Variants in TNNC2 observed in about 807,000 individuals in gnomAD.
The protein encoded by TNNC2 is troponin C, skeletal muscle.
In TNNC2, 14 loss-of-function variants were observed where a neutral mutation model predicts 20.0. The ratio of observed to expected loss-of-function variants is 0.70; its 90% CI spans 0.46 to 1.09. TNNC2 has a LOEUF of 1.09. Ranked by LOEUF, TNNC2 falls within the 50% of genes least tolerant of loss-of-function variation. TNNC2 has a pLI of 0.00. For missense variants in TNNC2, 163 were observed against 223.8 expected, an observed-to-expected ratio of 0.73 and a Z score of 1.73; for synonymous variants, 81 against 77.3, an observed-to-expected ratio of 1.05 and a Z score of -0.25.
chr20:45,829,487 A>T (rs1303536501), upstream of TNNC2, among the ~76,000 whole-genome samples: 4 of 151,444 alleles, frequency 2.6e-5, no homozygotes, highest in African/African-American at 7.3e-5. Context: ...TTGTAGAGAC[A>T]AGGTTTCATC....
At chr20:45,832,712 C>T (rs1983150632) in intron 2 of TNNC2, among the ~76,000 whole-genome samples, 2 of 152,158 alleles carry the variant, frequency 1.3e-5, no homozygotes, top group South Asian at 2.1e-4. Context: ...CAAAATCTGC[C>T]CTAACAACTG....
In TNNC2 at chr20:45,827,262, C is replaced by T. The variant is rs199528760; in HGVS notation, c.-14G>A. Reference sequence around the variant, plus strand: ...TGTCCTTACCATGGTTGCTGGTGACCGGGACTCCTCTGTTGCAGGTCGCCT... The same window carrying T: ...TGTCCTTACCATGGTTGCTGGTGACTGGGACTCCTCTGTTGCAGGTCGCCT... On this transcript the variant is annotated 5_prime_UTR_variant, in exon 1 of 6. Coordinates refer to ENST00000372555, the MANE Select transcript of TNNC2 (RefSeq NM_003279.3). 6.3e-4 allele frequency: 1,013 copies of T among 1,614,012 alleles called. 3 individuals carry two copies. Among genetic ancestry groups the T allele is most frequent in the African/African-American group, 1.5e-3 (113 of 74,996 alleles).
chr20:45,832,297 A>AC (rs1188729012), upstream of TNNC2, among the ~76,000 whole-genome samples: 1 of 152,126 alleles, frequency 6.6e-6, no homozygotes, highest in African/African-American at 2.4e-5. Flanking sequence ...GCGACAGAGC[A>AC]AGACTCTGTC....
At chr20:45,826,536 C>T (rs1443523509) in intron 1 of TNNC2, among the ~76,000 whole-genome samples, 3 of 152,166 alleles carry the variant, frequency 2.0e-5, no homozygotes, top group Admixed American at 6.5e-5. Flanking sequence ...GCTCTTCAGC[C>T]AGCTGGCCAC....
chr20:45,828,633 A>G (rs1237753285), upstream of TNNC2, among the ~76,000 whole-genome samples: 1 of 152,014 alleles, frequency 6.6e-6, no homozygotes. Context: ...TCATCTGGGG[A>G]GTAAAGGGGT....
At chr20:45,830,830 G>A (rs758393551), upstream of TNNC2, among the ~76,000 whole-genome samples, 4 of 152,152 alleles carry the variant, frequency 2.6e-5, no homozygotes, top group Non-Finnish European at 5.9e-5. Context: ...CATTTCTCAG[G>A]GAGGCTGTAG....
At chr20:45,829,414 T>C (rs560067195), upstream of TNNC2, among the ~76,000 whole-genome samples, 2 of 151,622 alleles carry the variant, frequency 1.3e-5, no homozygotes, top group African/African-American at 2.4e-5. Flanking sequence ...TCCGCCCACC[T>C]CAGCCTCCCA....
chr20:45,831,304 C>T (rs184264284), upstream of TNNC2, among the ~76,000 whole-genome samples: 59 of 151,956 alleles, frequency 3.9e-4, no homozygotes, highest in East Asian at 9.0e-3. Flanking sequence ...AGGCCGGGCA[C>T]GGTGGCTCAT....
intron 2 of TNNC2, 63 bp from the exon 3 acceptor site, chr20:45,824,701 C>CT (rs1982917259): frequency 1.1e-5 from 17 of 1,569,696 alleles, no homozygotes; most frequent in Admixed American, 1.8e-5. Flanking sequence ...CACCTACCCC[C>CT]CCCCAACCCC....
upstream of TNNC2, among the ~76,000 whole-genome samples, chr20:45,829,310 A>C (rs1337621409): frequency 6.6e-6 from 1 of 151,910 alleles, no homozygotes; most frequent in Non-Finnish European, 1.5e-5. Flanking sequence ...AATTACAGGC[A>C]TGAGCCACCA....
intron 1 of TNNC2, 41 bp downstream of exon 1, chr20:45,827,205 G>A (rs199688955): frequency 6.2e-7 from 1 of 1,614,020 alleles, no homozygotes; most frequent in African/African-American, 1.3e-5. Flanking sequence ...GGTCCAGAGT[G>A]CTCCCGTGAG....
At chr20:45,829,501 CG>C (rs1983059042), upstream of TNNC2, among the ~76,000 whole-genome samples, 1 of 151,062 alleles carries the variant, frequency 6.6e-6, no homozygotes, top group East Asian at 2.0e-4. Flanking sequence ...TTTCATCGAC[CG>C]GGCACGGTGG....
At position 45,823,709 on chromosome 20, in the gene TNNC2, T is replaced by A. The variant is rs547803791; in HGVS notation, c.451+282A>T. Among the ~76,000 whole-genome samples, 2 of 152,152 alleles carry A rather than the reference T, an allele frequency of 1.3e-5. No homozygotes were observed. Among genetic ancestry groups the A allele is most frequent in the South Asian group, 4.2e-4 (2 of 4,810 alleles). ...GGTCTCACTATGTTGCCCAGGCTGG[T>A]CTCGAACTCTTGGCCTCAAGCAATC... On this transcript the variant is annotated intron_variant, in intron 5 of 5. Transcript: ENST00000372555. The surrounding 1 kb of genome is among the most constrained non-coding windows in gnomAD (Gnocchi z 4.6).
At position 45,823,941 on chromosome 20, in the gene TNNC2, C is replaced by T. The variant is rs1172101807; in HGVS notation, c.451+50G>A. On this transcript the variant is annotated intron_variant, in intron 5 of 5. Transcript: ENST00000372555. This position sits in a 1 kb window ranked among gnomAD's most constrained non-coding sequence, Gnocchi z 4.6. The stretch of plus-strand genomic sequence containing the variant: ...ACCGGAGCCAGGCACCAGTGCCCGC[C>T]GTCCTCTGGGGCTCCCACCCGCTCT... The T allele has an allele frequency of 6.2e-7, 1 of 1,610,700 alleles. No individual in the cohort carries two copies. The highest frequency in any genetic ancestry group is 8.5e-7 in the Non-Finnish European group (1 of 1,177,864).
At chr20:45,824,167 C>T in intron 4 of TNNC2, 40 bp from the exon 5 acceptor site, 2 of 1,606,842 alleles carry the variant, frequency 1.2e-6, no homozygotes, top group South Asian at 1.1e-5. Flanking sequence ...AGGGCCGGGG[C>T]GAGCTGCCCT....
At chr20:45,831,083 G>A (rs937737743), upstream of TNNC2, among the ~76,000 whole-genome samples, 1 of 152,154 alleles carries the variant, frequency 6.6e-6, no homozygotes, top group African/African-American at 2.4e-5. Context: ...CAGGCCAAGA[G>A]TTCAAGATCA....
chr20:45,827,541 C>T (rs1983005724), upstream of TNNC2, among the ~76,000 whole-genome samples: 1 of 152,136 alleles, frequency 6.6e-6, no homozygotes, highest in Admixed American at 6.5e-5. Context: ...GAAGGCCTGC[C>T]CTGTTCCACT....
chr20:45,826,526 G>A (rs1159363956), intron 1 of TNNC2, among the ~76,000 whole-genome samples: 1 of 152,204 alleles, frequency 6.6e-6, no homozygotes, highest in African/African-American at 2.4e-5. Flanking sequence ...CTTCCAAGGA[G>A]CTCTTCAGCC....
upstream of TNNC2, among the ~76,000 whole-genome samples, chr20:45,827,928 A>G (rs1983013935): frequency 1.3e-5 from 2 of 152,172 alleles, no homozygotes; most frequent in Non-Finnish European, 2.9e-5. Context: ...CAGGTAGGCC[A>G]CTGTTTACTG....
Sources: allele counts gnomAD v4.1 joint callset (sites outside exome capture counted in the v4.1 genomes callset), GRCh38; gene constraint gnomAD v4.1.1; non-coding constraint Gnocchi (gnomAD v3.1); transcripts MANE v1.5; gene names NCBI Gene and HGNC (gene_info 2026-07-23, HGNC 2026-07-21).